Variants in SERPINB6 observed in about 807,000 individuals in gnomAD.
SERPINB6 encodes serpin family B member 6.
In SERPINB6, 16 loss-of-function variants were observed where a neutral mutation model predicts 26.1. That is an observed-to-expected ratio of 0.61 (90% CI 0.42 to 0.93). The LOEUF (loss-of-function observed/expected upper bound fraction) is 0.93, where lower values mean the gene tolerates loss of function less well. Ranked by LOEUF, SERPINB6 falls within the 40% of genes least tolerant of loss-of-function variation. The pLI is 0.00. For synonymous variants in SERPINB6, 174 were observed against 176.6 expected, an observed-to-expected ratio of 0.99 and a Z score of 0.11; for missense variants, 420 against 478.0, an observed-to-expected ratio of 0.88 and a Z score of 1.13.
rs991377652 is a variant in SERPINB6, at chr6:2,970,186, A to G, written c.-11+1347T>C. The G allele has an allele frequency of 3.0e-6, 3 of 984,862 alleles. No homozygotes were observed. In the African/African-American group the frequency reaches 5.3e-5, roughly 17 times the overall value. The allele number at this position is 984,862 out of a possible 1,614,324, so 61.0% of individuals were successfully genotyped here. ...CAACATCTGCTTGGGTGCCCTTATT[A>G]TTACATATGTGGAAAAGAATGTTGG... On this transcript the variant is annotated intron_variant, in intron 1 of 6. Transcript: ENST00000380539.
intron 5 of SERPINB6, 52 bp from the exon 6 acceptor site, chr6:2,949,121 T>C (rs561086412): frequency 3.0e-5 from 48 of 1,597,134 alleles, no homozygotes; most frequent in Non-Finnish European, 4.0e-5. Context: ...CACTGACACA[T>C]GGGACAAATG....
intron 5 of SERPINB6, among the ~76,000 whole-genome samples, chr6:2,951,877 A>G (rs1269196881): frequency 6.6e-6 from 1 of 152,204 alleles, no homozygotes; most frequent in Middle Eastern, 3.2e-3. Context: ...GGGAAGGTTT[A>G]GGCTCCCCTC....
Position 2,948,384 on chromosome 6 carries a change from A to G in SERPINB6, c.1045T>C (p.Phe349Leu), listed in dbSNP as rs1254023131. 5 of 1,614,158 alleles carry G rather than the reference A, an allele frequency of 3.1e-6. No homozygotes were observed. Among genetic ancestry groups the G allele is most frequent in the East Asian group, 2.2e-5 (1 of 44,870 alleles). The change falls in exon 7 of 7, where the codon TTC becomes CTC. Residue 349 changes from phenylalanine to leucine, a missense_variant. Phe to Leu is a conservative substitution (Grantham distance 22). Transcript: ENST00000380539. This position sits in a 1 kb window ranked among gnomAD's most constrained non-coding sequence, Gnocchi z 5.0. The part of the protein sequence containing the change: ...MMRCARFVPR[F>L]CADHPFLFFI... ...AAAAGGAAGGGGTGGTCGGCGCAGAAGCGGGGGACGAATCTGGCACACCGC... is the reference window on the plus strand; with the variant it reads ...AAAAGGAAGGGGTGGTCGGCGCAGAGGCGGGGGACGAATCTGGCACACCGC...
rs1204740895 is a variant in SERPINB6 at position 2,970,050 on chromosome 6, A to G, written c.-11+1483T>C. 3.1e-6 allele frequency: 3 copies of G among 970,870 alleles called. No individual in the cohort carries two copies. The African/African-American group carries it at 5.6e-5, about 18-fold the overall frequency. The allele number at this position is 970,870 out of a possible 1,614,324, so 60.1% of individuals were successfully genotyped here. On this transcript the variant is annotated intron_variant, in intron 1 of 6. Coordinates refer to ENST00000380539, the MANE Select transcript of SERPINB6 (RefSeq NM_004568.6). ...AGCCGAAATCGCACCACTGCACTCC[A>G]GCCTGGCAAAAAAAAAAAAAAAAAA...
chr6:2,964,823 GTTTTA>G (rs1286848948), intron 1 of SERPINB6, among the ~76,000 whole-genome samples: 1 of 152,096 alleles, frequency 6.6e-6, no homozygotes, highest in Admixed American at 6.6e-5. Context: ...ACTTTATCAT[GTTTTA>G]TTTTATGTAT....
chr6:2,960,338 G>C (rs1770955846), intron 1 of SERPINB6: 1 of 152,298 alleles, frequency 6.6e-6, no homozygotes, highest in Non-Finnish European at 1.5e-5. Context: ...TTGAAACGCA[G>C]GGCGGATGCG....
At chr6:2,955,403 A>G in intron 3 of SERPINB6, 121 bp downstream of exon 3, 1 of 1,158,180 alleles carries the variant, frequency 8.6e-7, no homozygotes, top group South Asian at 1.3e-5. Flanking sequence ...AGGTGAAAAG[A>G]AATTACAAAA....
rs1442219139 is a variant in SERPINB6 at position 2,955,658 on chromosome 6, T to C, written c.178A>G (p.Asn60Asp). The C allele has an allele frequency of 5.0e-6, 8 of 1,614,172 alleles. No individual in the cohort carries two copies. The East Asian group carries it at 1.8e-4, about 36-fold the overall frequency. ...ATGTCTCCACCACCGCCACTTTTAT[T>C]GAAAGAAAGTATCTGAAATCAAAAA... ...AAQMAQILSF[N>D]KSGGGGDIHQ... Residue 60 changes from asparagine (N) to aspartate (D), a missense_variant, in exon 3 of 7, where the codon AAT becomes GAT. Asn to Asp is a conservative substitution (Grantham distance 23). Transcript: ENST00000380539.
intron 1 of SERPINB6, chr6:2,968,466 A>T (rs1771835647): frequency 3.5e-6 from 2 of 576,404 alleles, no homozygotes; most frequent in African/African-American, 9.0e-5. Flanking sequence ...TAAAAGGTTA[A>T]AAAAAAAAAG....
At chr6:2,970,113 T>C in intron 1 of SERPINB6, 1 of 984,890 alleles carries the variant, frequency 1.0e-6, no homozygotes, top group Non-Finnish European at 1.2e-6. Flanking sequence ...TAATCCCAAG[T>C]GCAGTAAGCC....
At chr6:2,954,520 G>A (rs994650118) in intron 4 of SERPINB6, 72 bp downstream of exon 4, 1 of 1,177,304 alleles carries the variant, frequency 8.5e-7, no homozygotes. Flanking sequence ...ACAATTGACA[G>A]TCTTGTGAAG....
chr6:2,971,251 G>T (rs973747564), intron 1 of SERPINB6: 6 of 891,694 alleles, frequency 6.7e-6, no homozygotes, highest in Non-Finnish European at 8.1e-6. Context: ...GACTCACCCG[G>T]CCGCGTCGCC....
At position 2,968,709 on chromosome 6, in the gene SERPINB6, T is replaced by C. The variant is rs970656701; in HGVS notation, c.-11+2824A>G. The C allele has an allele frequency of 9.7e-6, 12 of 1,231,162 alleles. No individual in the cohort carries two copies. In the South Asian group the frequency reaches 5.0e-4, roughly 51 times the overall value. 76.3% of individuals were successfully genotyped at this position (1,231,162 alleles called of 1,614,324 possible). A position where few individuals can be genotyped will look rare whatever the true frequency, so the allele number is the denominator to read the frequency against. ...TTTTGTACCTAGACTTTCCAAACAT[T>C]CCTAACAACCCTTGGATGTCAGTAC... is the stretch of plus-strand genomic sequence containing the variant. On this transcript the variant is annotated intron_variant, in intron 1 of 6. Coordinates refer to ENST00000380539, the MANE Select transcript of SERPINB6 (RefSeq NM_004568.6).
rs774740975 is a variant in SERPINB6, at chr6:2,953,003, T to A, written c.573+41A>T. On this transcript the variant is annotated intron_variant, in intron 5 of 6. Coordinates refer to ENST00000380539, the MANE Select transcript of SERPINB6 (RefSeq NM_004568.6). Reference sequence around the variant, plus strand: ...GGAGGCCCCGAGCCGGAGACGCTCGTGTGAACACAGGCGCTGCTCCTGTCA... The same window carrying A: ...GGAGGCCCCGAGCCGGAGACGCTCGAGTGAACACAGGCGCTGCTCCTGTCA... 1.9e-6 allele frequency: 3 copies of A among 1,613,448 alleles called. No individual in the cohort carries two copies. In the East Asian group the frequency reaches 6.7e-5, roughly 36 times the overall value.
intron 1 of SERPINB6, 88 bp downstream of exon 1, chr6:2,971,445 C>T (rs899025452): frequency 6.5e-6 from 1 of 152,936 alleles, no homozygotes; most frequent in South Asian, 2.1e-4. Flanking sequence ...ACCCTGCCCC[C>T]CTCCCCGCTC....
At chr6:2,971,138 G>A in intron 1 of SERPINB6, 5 of 1,029,294 alleles carry the variant, frequency 4.9e-6, no homozygotes, top group Non-Finnish European at 5.8e-6. Flanking sequence ...GAGGCTCTGC[G>A]CCGCCCCCAT....
chr6:2,970,057 CA>C (rs754952384), intron 1 of SERPINB6: 151,236 of 728,614 alleles, frequency 0.21, 187 homozygotes, highest in African/African-American at 0.22. Context: ...TCCAGCCTGG[CA>C]AAAAAAAAAA....
At chr6:2,949,303 A>G (rs1464417494) in intron 5 of SERPINB6, among the ~76,000 whole-genome samples, 1 of 152,184 alleles carries the variant, frequency 6.6e-6, no homozygotes, top group African/African-American at 2.4e-5. Context: ...ATTCAGTCTC[A>G]TGGCTTTAAA....
chr6:2,959,402 C>T (rs1027253256), intron 1 of SERPINB6, 60 bp from the exon 2 acceptor site: 49 of 1,562,566 alleles, frequency 3.1e-5, no homozygotes, highest in Middle Eastern at 1.7e-4. Context: ...CTGCATCTCA[C>T]GCGCCTTACC....
Sources: allele counts gnomAD v4.1 joint callset (sites outside exome capture counted in the v4.1 genomes callset), GRCh38; gene constraint gnomAD v4.1.1; non-coding constraint Gnocchi (gnomAD v3.1); transcripts MANE v1.5; gene names NCBI Gene and HGNC (gene_info 2026-07-23, HGNC 2026-07-21).